The following MYCBP2 variants were observed in gnomAD, a reference collection of about 807,000 sequenced individuals.
MYCBP2 encodes the protein E3 ubiquitin-protein ligase MYCBP2.
Under a neutral mutation model 525.3 loss-of-function variants are expected in MYCBP2, and 120 were observed. The observed-to-expected ratio is 0.23, with a 90% CI of 0.20 to 0.27. The LOEUF (loss-of-function observed/expected upper bound fraction) is 0.27, where lower values mean the gene tolerates loss of function less well. Ranked by LOEUF, MYCBP2 falls within the 10% of genes least tolerant of loss-of-function variation. The pLI is 1.00. For synonymous variants in MYCBP2, 1,894 were observed against 1,955.8 expected, an observed-to-expected ratio of 0.97 and a Z score of 0.83; for missense variants, 4,149 against 5,657.1, an observed-to-expected ratio of 0.73 and a Z score of 8.55.
rs140777927 is a variant in MYCBP2 at position 77,142,270 on chromosome 13, A to G, written c.7304-1327T>C. Among the ~76,000 whole-genome samples, 9 of 152,324 alleles carry G rather than the reference A, an allele frequency of 5.9e-5. No homozygotes were observed. The East Asian group carries it at 1.7e-3, about 29-fold the overall frequency. On this transcript the variant is annotated intron_variant, in intron 49 of 82. Transcript: ENST00000544440. ...GTGTTTTATTTTCACAATCCTCATT[A>G]AAGTGTTAACACTTGACAGGAATTG...
At chr13:77,266,314 G>A (rs2074071762) in intron 8 of MYCBP2, among the ~76,000 whole-genome samples, 3 of 152,068 alleles carry the variant, frequency 2.0e-5, no homozygotes, top group Admixed American at 6.6e-5. Flanking sequence ...AATTTATATA[G>A]CAAAACCCTG....
At chr13:77,068,853 C>T (rs753441299) in intron 69 of MYCBP2, 22 bp from the exon 70 acceptor site, 2 of 1,606,830 alleles carry the variant, frequency 1.2e-6, no homozygotes, top group Admixed American at 1.7e-5. Context: ...TAACACAGAA[C>T]ATGTAAAAAT....
intron 17 of MYCBP2, among the ~76,000 whole-genome samples, chr13:77,233,860 C>G (rs984828458): frequency 7.3e-4 from 108 of 147,638 alleles, no homozygotes; most frequent in South Asian, 2.3e-3. Context: ...TGTATACACA[C>G]AGAGAGAGAG....
chr13:77,318,670 C>G (rs531329091), intron 1 of MYCBP2, among the ~76,000 whole-genome samples: 1 of 152,336 alleles, frequency 6.6e-6, no homozygotes, highest in African/African-American at 2.4e-5. Context: ...AGAAGAATCA[C>G]TTGAACCTGG....
chr13:77,093,270 T>C lies in MYCBP2; in HGVS notation c.10262A>G (p.Tyr3421Cys). 6.2e-7 allele frequency: 1 copy of C among 1,613,506 alleles called. No homozygotes were observed. Among genetic ancestry groups the C allele is most frequent in the Non-Finnish European group, 8.5e-7 (1 of 1,179,606 alleles). Residue 3421 changes from tyrosine (Y) to cysteine (C), a missense_variant, in exon 59 of 83, where the codon TAT (tyrosine) becomes TGT (cysteine). This residue lies in a region of MYCBP2 where 509 missense variants were observed against 789.4 expected (regional missense o/e 0.64). Coordinates refer to ENST00000544440, the MANE Select transcript of MYCBP2 (RefSeq NM_015057.5). Reference sequence around the variant, plus strand: ...GGCAGGTACAGATGTTGAACGTAGATATCTCATTTCATCCTGGAATAGATT... The same window carrying C: ...GGCAGGTACAGATGTTGAACGTAGACATCTCATTTCATCCTGGAATAGATT... ...DDNLFQDEMR[Y>C]LRSTSVPAPY...
Position 77,125,543 on chromosome 13 carries a change from T to A in MYCBP2, c.7885-75A>T, listed in dbSNP as rs946802763. On this transcript the variant is annotated intron_variant, in intron 53 of 82. Transcript: ENST00000544440. Reference sequence around the variant, plus strand: ...CTCAGTCTGAAAACCAGTAAAAATCTTACGTGTCTGAATAGTGTAATCATT... The same window carrying A: ...CTCAGTCTGAAAACCAGTAAAAATCATACGTGTCTGAATAGTGTAATCATT... 2.6e-6 allele frequency: 4 copies of A among 1,534,452 alleles called. No homozygotes were observed. In the African/African-American group the frequency reaches 5.5e-5, roughly 21 times the overall value.
At chr13:77,201,706 G>A (rs1174521687) in intron 26 of MYCBP2, among the ~76,000 whole-genome samples, 2 of 151,884 alleles carry the variant, frequency 1.3e-5, no homozygotes, top group African/African-American at 2.4e-5. Context: ...TCAGACCACA[G>A]TGCAATCAAA....
intron 3 of MYCBP2, among the ~76,000 whole-genome samples, chr13:77,281,377 CAATA>C (rs1313330242): frequency 6.6e-6 from 1 of 151,842 alleles, no homozygotes; most frequent in Non-Finnish European, 1.5e-5. Flanking sequence ...AAATCATCTA[CAATA>C]AATATGTATA....
chr13:77,171,634 C>T lies in MYCBP2; in HGVS notation c.5652G>A (p.Arg1884=). The change falls in exon 38 of 83, where the codon AGG becomes AGA. Residue 1884 remains arginine, a splice_region_variant and synonymous_variant. Coordinates refer to ENST00000544440, the MANE Select transcript of MYCBP2 (RefSeq NM_015057.5). ...RGQIPQILYY[R]SEFDGDLQSQ... ...ATTGTAAATCTCCATCAAATTCACT[C>T]CTGTAGCATGAGCAAACATGAGATT... 6 of 1,613,750 alleles carry T rather than the reference C, an allele frequency of 3.7e-6. No homozygotes were observed. The highest frequency in any genetic ancestry group is 5.1e-6 in the Non-Finnish European group (6 of 1,179,874).
At chr13:77,229,945 C>T (rs944551571) in intron 18 of MYCBP2, among the ~76,000 whole-genome samples, 9 of 152,116 alleles carry the variant, frequency 5.9e-5, no homozygotes, top group South Asian at 2.1e-4. Context: ...TTCAGATGTT[C>T]CTAACTATGT....
intron 72 of MYCBP2, 34 bp from the exon 73 acceptor site, chr13:77,064,768 C>T (rs958448040): frequency 6.3e-7 from 1 of 1,580,224 alleles, no homozygotes; most frequent in African/African-American, 1.4e-5. Context: ...TAATAAGTGA[C>T]CAGAAATGTA....
chr13:77,250,055 C>T (rs546043424), intron 15 of MYCBP2, among the ~76,000 whole-genome samples: 115 of 152,046 alleles, frequency 7.6e-4, no homozygotes, highest in African/African-American at 2.7e-3. Context: ...AACCCCGTCT[C>T]TACTAAAAAT....
intron 47 of MYCBP2, among the ~76,000 whole-genome samples, chr13:77,146,793 CA>C (rs1007701412): frequency 1.3e-5 from 2 of 152,136 alleles, no homozygotes; most frequent in African/African-American, 4.8e-5. Flanking sequence ...GAACATGCAG[CA>C]CCTGCTACTT....
intron 40 of MYCBP2, among the ~76,000 whole-genome samples, chr13:77,168,051 G>C (rs1395223500): frequency 1.3e-5 from 2 of 151,834 alleles, no homozygotes; most frequent in African/African-American, 4.8e-5. Context: ...TCTTACATTG[G>C]GGTTGTAAAT....
chr13:77,081,683 CT>C lies in MYCBP2; in HGVS notation c.11194-33del. On this transcript the variant is annotated intron_variant, in intron 64 of 82. Coordinates refer to ENST00000544440, the MANE Select transcript of MYCBP2 (RefSeq NM_015057.5). The surrounding 1 kb of genome is among the most constrained non-coding windows in gnomAD (Gnocchi z 4.6). Reference sequence around the variant, plus strand: ...GAAACAAATATAAGTACTTATGATACTTAAAAGCAAATCTTTCGTGATGATA... The same window carrying C: ...GAAACAAATATAAGTACTTATGATACTAAAAGCAAATCTTTCGTGATGATA... The C allele has an allele frequency of 6.4e-7, 1 of 1,560,270 alleles. No homozygotes were observed. The highest frequency in any genetic ancestry group is 8.7e-7 in the Non-Finnish European group (1 of 1,151,654).
Position 77,174,429 on chromosome 13 carries a change from C to T in MYCBP2, c.5533G>A (p.Gly1845Arg). 1.2e-6 allele frequency: 2 copies of T among 1,614,110 alleles called. No homozygotes were observed. The highest frequency in any genetic ancestry group is 1.7e-6 in the Non-Finnish European group (2 of 1,180,006). ...GGGCACTGAACTGTGGTCATTCCTC[C>T]ATCTCCATTGGCTGTACGGCTTCCA... ...NYGSRTANGD[G>R]GMTTVQCPDG... The change falls in exon 37 of 83, where the codon GGA becomes AGA. Residue 1845 changes from glycine (G) to arginine (R), a missense_variant. Physicochemically the swap from Gly to Arg is moderately radical, Grantham distance 125. Coordinates refer to ENST00000544440, the MANE Select transcript of MYCBP2 (RefSeq NM_015057.5).
At position 77,181,803 on chromosome 13, in the gene MYCBP2, T is replaced by G; in HGVS notation, c.4839A>C (p.Glu1613Asp). 2 of 1,614,144 alleles carry G rather than the reference T, an allele frequency of 1.2e-6. No individual in the cohort carries two copies. The highest frequency in any genetic ancestry group is 1.7e-6 in the Non-Finnish European group (2 of 1,179,996). The change falls in exon 33 of 83, where the codon GAA becomes GAC. Residue 1613 changes from glutamate (E) to aspartate (D), a missense_variant. This residue lies in a region of MYCBP2 where 292 missense variants were observed against 330.5 expected (regional missense o/e 0.88). Coordinates refer to ENST00000544440, the MANE Select transcript of MYCBP2 (RefSeq NM_015057.5). ...TSIFPIAYDG[E>D]VLLRSIVKQV... ...GTTTAACAATTGATCGTAGTAATAC[T>G]TCTCCATCATACGCAATCGGGAAGA...
At position 77,218,499 on chromosome 13, in the gene MYCBP2, C is replaced by T. The variant is rs148955084; in HGVS notation, c.2940-542G>A. ...AGCTCAGGCTTTAAAGCTAGACTGG[C>T]TGGTTGTGAATCCTGGCTCCCCAAC... On this transcript the variant is annotated intron_variant, in intron 20 of 82. Coordinates refer to ENST00000544440, the MANE Select transcript of MYCBP2 (RefSeq NM_015057.5). 1.2e-4 allele frequency among the ~76,000 whole-genome samples: 18 copies of T among 152,296 alleles called. No individual in the cohort carries two copies. The East Asian group carries it at 3.5e-3, about 29-fold the overall frequency.
chr13:77,300,094 C>T (rs1375647885), intron 1 of MYCBP2, among the ~76,000 whole-genome samples: 2 of 152,134 alleles, frequency 1.3e-5, no homozygotes, highest in East Asian at 3.8e-4. Flanking sequence ...GCTTCATTTG[C>T]AAAATAAAGA....
Sources: gnomAD v4.1 joint callset for allele counts (sites outside exome capture counted in the v4.1 genomes callset) on GRCh38, gnomAD v4.1.1 for gene constraint, gnomAD v4.1.1 regional missense constraint, Gnocchi (gnomAD v3.1) non-coding constraint, MANE v1.5 for transcripts, NCBI Gene and HGNC (gene_info 2026-07-23, HGNC 2026-07-21) for gene names.